The following SPSB1 variants were observed in gnomAD, a reference collection of about 807,000 sequenced individuals.
SPSB1 encodes SPRY domain-containing SOCS box protein 1.
A neutral mutation model predicts 21.2 loss-of-function variants in SPSB1; 8 were observed. The observed-to-expected ratio is 0.38, with a 90% CI of 0.22 to 0.68. The LOEUF (loss-of-function observed/expected upper bound fraction) is 0.68. Ranked by LOEUF, SPSB1 falls within the 30% of genes least tolerant of loss-of-function variation. The probability of loss-of-function intolerance (pLI) is 0.53; values close to 1 mark genes in which losing one functional copy is unlikely to be tolerated. For synonymous variants in SPSB1, 169 were observed against 161.7 expected (o/e 1.05, Z -0.34); for missense variants, 242 against 377.8 (o/e 0.64, Z 2.98).
At chr1:9,335,671 A>G (rs1410404842) in intron 1 of SPSB1, among the ~76,000 whole-genome samples, 1 of 152,000 alleles carries the variant, frequency 6.6e-6, no homozygotes, top group Non-Finnish European at 1.5e-5. Context: ...ATGGTGGTGC[A>G]TTCCTGTAGT....
intron 1 of SPSB1, among the ~76,000 whole-genome samples, chr1:9,302,444 C>G (rs753817971): frequency 6.6e-6 from 1 of 152,176 alleles, no homozygotes; most frequent in African/African-American, 2.4e-5. Context: ...AGTCACTCAA[C>G]TGGGTGGGGA....
At chr1:9,320,888 GA>G (rs77905532) in intron 1 of SPSB1, among the ~76,000 whole-genome samples, 86,239 of 151,758 alleles carry the variant, frequency 0.57, 26,139 homozygotes, top group African/African-American at 0.78. Flanking sequence ...CTCTGGCCAC[GA>G]AAGGCTGGCC....
chr1:9,351,931 A>AC (rs1371049562), intron 1 of SPSB1, among the ~76,000 whole-genome samples: 5 of 152,066 alleles, frequency 3.3e-5, no homozygotes, highest in African/African-American at 1.2e-4. Context: ...TGAAGGAATC[A>AC]CCCCACAGTG....
At chr1:9,361,755 C>G (rs542019781) in intron 2 of SPSB1, among the ~76,000 whole-genome samples, 1 of 152,246 alleles carries the variant, frequency 6.6e-6, no homozygotes, top group Non-Finnish European at 1.5e-5. Context: ...CTCTCCCTCT[C>G]TCTCCTGGAG....
Position 9,305,483 on chromosome 1 carries a change from C to T in SPSB1, c.-150+12412C>T, listed in dbSNP as rs1420289791. Among the ~76,000 whole-genome samples the T allele has an allele frequency of 1.3e-5, 2 of 152,200 alleles. No individual in the cohort carries two copies. The highest frequency in any genetic ancestry group is 6.5e-5 in the Admixed American group (1 of 15,292). On this transcript the variant is annotated intron_variant, in intron 1 of 2. Transcript: ENST00000328089. This position sits in a 1 kb window ranked among gnomAD's most constrained non-coding sequence, Gnocchi z 4.8. ...GCTGAGTCCCCAGTAGTTAGGTCCA[C>T]AGTAGGTTCTTGGACACCTGTCGGA... is the stretch of plus-strand genomic sequence containing the variant.
At chr1:9,300,640 C>T (rs749463933) in intron 1 of SPSB1, among the ~76,000 whole-genome samples, 16 of 152,208 alleles carry the variant, frequency 1.1e-4, no homozygotes, top group Admixed American at 2.6e-4. Flanking sequence ...GTGACCTGAG[C>T]TGCCCATCAT....
chr1:9,353,947 A>C (rs938328057), intron 1 of SPSB1, among the ~76,000 whole-genome samples: 1 of 149,644 alleles, frequency 6.7e-6, no homozygotes, highest in Non-Finnish European at 1.5e-5. Flanking sequence ...CCTGTGTCTC[A>C]CATCAGAAAG....
intron 1 of SPSB1, among the ~76,000 whole-genome samples, chr1:9,330,585 CCT>C (rs1639898936): frequency 6.6e-6 from 1 of 152,092 alleles, no homozygotes; most frequent in Non-Finnish European, 1.5e-5. Context: ...CACACGTATC[CCT>C]AACTTCACCC....
At chr1:9,344,707 C>A (rs1640142817) in intron 1 of SPSB1, among the ~76,000 whole-genome samples, 1 of 152,098 alleles carries the variant, frequency 6.6e-6, no homozygotes, top group African/African-American at 2.4e-5. Flanking sequence ...TGAGGGCAGC[C>A]ACCTGGGCCT....
chr1:9,352,442 A>G (rs1210220219), intron 1 of SPSB1, among the ~76,000 whole-genome samples: 1 of 152,138 alleles, frequency 6.6e-6, no homozygotes, highest in African/African-American at 2.4e-5. Flanking sequence ...CCTTATAAAT[A>G]AAGTTTTCTG....
At chr1:9,329,403 G>A (rs909511) in intron 1 of SPSB1, among the ~76,000 whole-genome samples, 36,311 of 151,948 alleles carry the variant, frequency 0.24, 5,205 homozygotes, top group East Asian at 0.48. Flanking sequence ...GGTGACACCC[G>A]GTGGTGGGTA....
intron 1 of SPSB1, among the ~76,000 whole-genome samples, chr1:9,315,110 C>G (rs1362881512): frequency 4.6e-5 from 7 of 152,222 alleles, no homozygotes; most frequent in Admixed American, 3.9e-4. Context: ...TCTCCCCTCT[C>G]TGTAGAGGTG....
intron 1 of SPSB1, among the ~76,000 whole-genome samples, chr1:9,306,877 T>C (rs1350523626): frequency 6.6e-6 from 1 of 151,934 alleles, no homozygotes; most frequent in Admixed American, 6.6e-5. Context: ...AGATGTGCTC[T>C]GTGACATTGG....
chr1:9,355,795 G>C lies in SPSB1; in HGVS notation c.-97G>C. 1 of 1,495,538 alleles carries C rather than the reference G, an allele frequency of 6.7e-7. No homozygotes were observed. Among genetic ancestry groups the C allele is most frequent in the Non-Finnish European group, 8.9e-7 (1 of 1,123,440 alleles). The allele number at this position is 1,495,538 out of a possible 1,614,324, so 92.6% of individuals were successfully genotyped here. A position where few individuals can be genotyped will look rare whatever the true frequency, so the allele number is the denominator to read the frequency against. The stretch of plus-strand genomic sequence containing the variant: ...GAGGTCTCCTGGCAGCCCTCATTAG[G>C]AATTCTGTCTGGCCCCGATCAGAAT... On this transcript the variant is annotated 5_prime_UTR_variant, in exon 2 of 3. Transcript: ENST00000328089.
At chr1:9,332,638 T>A (rs2100493815) in intron 1 of SPSB1, among the ~76,000 whole-genome samples, 1 of 152,158 alleles carries the variant, frequency 6.6e-6, no homozygotes, top group South Asian at 2.1e-4. Flanking sequence ...CATCTGTGTG[T>A]AAGGAGCAGG....
intron 1 of SPSB1, chr1:9,339,134 G>T: frequency 3.5e-6 from 3 of 858,794 alleles, no homozygotes; most frequent in African/African-American, 1.8e-5. Context: ...GGACCCTACT[G>T]CGGGGGCTCC....
At chr1:9,299,628 C>T (rs1294036) in intron 1 of SPSB1, among the ~76,000 whole-genome samples, 11,672 of 151,912 alleles carry the variant, frequency 0.077, 1,399 homozygotes, top group African/African-American at 0.26. Flanking sequence ...TACAGGCATG[C>T]GCCACCACAC....
rs145906145 is a variant in SPSB1, at chr1:9,355,944, C to T, written c.53C>T (p.Thr18Met). The change falls in exon 2 of 3, where the codon ACG becomes ATG. Residue 18 changes from threonine (T) to methionine (M), a missense_variant. Coordinates refer to ENST00000328089, the MANE Select transcript of SPSB1 (RefSeq NM_025106.4). ...GIKTVDMRDP[T>M]YRPLKQELQG... ...AAGACTGTGGACATGAGGGACCCCA[C>T]GTACAGGCCCCTGAAGCAGGAGCTC... 478 of 1,611,748 alleles carry T rather than the reference C, an allele frequency of 3.0e-4. No homozygotes were observed. The African/African-American group carries it at 5.2e-3, about 18-fold the overall frequency.
chr1:9,349,901 G>A (rs9725615), intron 1 of SPSB1, among the ~76,000 whole-genome samples: 62 of 152,178 alleles, frequency 4.1e-4, no homozygotes, highest in African/African-American at 1.4e-3. Flanking sequence ...TGAGGAGGAC[G>A]GTCCTGCAGT....
Sources: gnomAD v4.1 joint callset for allele counts (sites outside exome capture counted in the v4.1 genomes callset) on GRCh38, gnomAD v4.1.1 for gene constraint, Gnocchi (gnomAD v3.1) non-coding constraint, MANE v1.5 for transcripts, NCBI Gene and HGNC (gene_info 2026-07-23, HGNC 2026-07-21) for gene names.